The following CEP85L variants were observed in gnomAD, a reference collection of about 807,000 sequenced individuals.
The protein encoded by CEP85L is centrosomal protein of 85 kDa-like.
A neutral mutation model predicts 100.3 loss-of-function variants in CEP85L; 60 were observed. That is an observed-to-expected ratio of 0.60 (90% confidence interval 0.49 to 0.74). The LOEUF (loss-of-function observed/expected upper bound fraction) is 0.74. CEP85L is among the 30% of genes least tolerant of loss of function. CEP85L has a pLI of 0.00. For missense variants in CEP85L, 973 were observed against 936.2 expected (o/e 1.04, Z -0.51); for synonymous variants, 319 against 322.7 (o/e 0.99, Z 0.12).
At chr6:118,598,088 G>A (rs1431461060) in intron 2 of CEP85L, among the ~76,000 whole-genome samples, 1 of 152,204 alleles carries the variant, frequency 6.6e-6, no homozygotes, top group East Asian at 1.9e-4. Context: ...TTTGCTTACA[G>A]CAGCTTTACA....
intron 2 of CEP85L, among the ~76,000 whole-genome samples, chr6:118,567,898 TATC>T (rs769649525): frequency 6.6e-6 from 1 of 152,212 alleles, no homozygotes; most frequent in African/African-American, 2.4e-5. Flanking sequence ...AGTGGATAGT[TATC>T]ATATTCAAGA....
chr6:118,682,969 C>G (rs1238975592), intron 1 of CEP85L, among the ~76,000 whole-genome samples: 3 of 152,014 alleles, frequency 2.0e-5, no homozygotes, highest in Non-Finnish European at 4.4e-5. Flanking sequence ...ACAAAGGCAC[C>G]AGAACAATGC....
intron 1 of CEP85L, among the ~76,000 whole-genome samples, chr6:118,677,131 G>A (rs1371129853): frequency 1.3e-5 from 2 of 151,744 alleles, no homozygotes; most frequent in African/African-American, 4.8e-5. Context: ...ATGTAGCTTT[G>A]GGCAAATCAT....
intron 1 of CEP85L, among the ~76,000 whole-genome samples, chr6:118,670,010 G>T (rs1288258951): frequency 6.6e-6 from 1 of 150,860 alleles, no homozygotes; most frequent in African/African-American, 2.4e-5. Context: ...AAGGGAAGTC[G>T]CAAATAGAAT....
At chr6:118,484,902 T>C (rs1774066708) in intron 6 of CEP85L, among the ~76,000 whole-genome samples, 1 of 152,204 alleles carries the variant, frequency 6.6e-6, no homozygotes, top group Non-Finnish European at 1.5e-5. Flanking sequence ...AACACTAGTT[T>C]AAGGCACTGT....
At chr6:118,619,790 G>A (rs1773322248) in intron 2 of CEP85L, among the ~76,000 whole-genome samples, 1 of 152,180 alleles carries the variant, frequency 6.6e-6, no homozygotes, top group South Asian at 2.1e-4. Context: ...GCATGGAGGG[G>A]CATCATGTTG....
intron 5 of CEP85L, among the ~76,000 whole-genome samples, chr6:118,494,931 TACAAGA>T (rs1774824431): frequency 1.3e-5 from 2 of 152,110 alleles, no homozygotes; most frequent in African/African-American, 4.8e-5. Flanking sequence ...GTAGACAGTA[TACAAGA>T]ACATACAGAT....
intron 6 of CEP85L, among the ~76,000 whole-genome samples, chr6:118,491,194 T>TACACACACAC (rs1491518154): frequency 1.2e-5 from 1 of 81,216 alleles, no homozygotes; most frequent in African/African-American, 3.8e-5. Context: ...TACCAACATC[T>TACACACACAC]ATACACACAC....
In CEP85L at chr6:118,463,878, A is replaced by C. The variant is rs1371431960; in HGVS notation, c.*1527T>G. 2 of 152,124 alleles carry C rather than the reference A, an allele frequency of 1.3e-5. No homozygotes were observed. Among genetic ancestry groups the C allele is most frequent in the Non-Finnish European group, 2.9e-5 (2 of 67,984 alleles). 9.4% of individuals were successfully genotyped at this position (152,124 alleles called of 1,614,324 possible). Reference sequence around the variant, plus strand: ...AGTCTCCTTGAAGGCCTTGTCTCACATTTTCACTTTTAAATATTTAAGAAA... The same window carrying C: ...AGTCTCCTTGAAGGCCTTGTCTCACCTTTTCACTTTTAAATATTTAAGAAA... On this transcript the variant is annotated 3_prime_UTR_variant, in exon 13 of 13. Transcript: ENST00000368491.
chr6:118,670,607 TCTC>T (rs1776274940), intron 1 of CEP85L, among the ~76,000 whole-genome samples: 1 of 151,714 alleles, frequency 6.6e-6, no homozygotes, highest in Non-Finnish European at 1.5e-5. Context: ...GCTTCTGTAA[TCTC>T]CTGGCTAGCC....
intron 1 of CEP85L, among the ~76,000 whole-genome samples, chr6:118,683,834 T>A (rs2114270485): frequency 6.6e-6 from 1 of 152,362 alleles, no homozygotes; most frequent in East Asian, 1.9e-4. Flanking sequence ...TGTTGGGTCA[T>A]GGCATGCTTG....
At chr6:118,608,045 T>A (rs7740645) in intron 2 of CEP85L, among the ~76,000 whole-genome samples, 70,737 of 151,976 alleles carry the variant, frequency 0.47, 16,963 homozygotes, top group Middle Eastern at 0.57. Context: ...AATAAAAGGA[T>A]GGCTGCTCCA....
At chr6:118,533,788 A>G (rs1410882898) in intron 3 of CEP85L, among the ~76,000 whole-genome samples, 1 of 152,186 alleles carries the variant, frequency 6.6e-6, no homozygotes, top group Non-Finnish European at 1.5e-5. Flanking sequence ...ATGCAAGTTA[A>G]GTTTAGCATT....
In CEP85L at chr6:118,511,423, A is replaced by G; in HGVS notation, c.1140-8T>C. The G allele has an allele frequency of 6.4e-7, 1 of 1,556,532 alleles. No individual in the cohort carries two copies. On this transcript the variant is annotated splice_polypyrimidine_tract_variant and splice_region_variant and intron_variant, in intron 4 of 12. Transcript: ENST00000368491. ...GTAATTTGTTGCTTCTGCCTGCAAA[A>G]CATAAATTAAGGTCACATTATGAGT...
At chr6:118,499,379 C>T (rs1047422785) in intron 5 of CEP85L, among the ~76,000 whole-genome samples, 1 of 152,130 alleles carries the variant, frequency 6.6e-6, no homozygotes, top group Non-Finnish European at 1.5e-5. Context: ...TGATTAAAAA[C>T]TCTTGGCCAG....
In CEP85L at chr6:118,511,413, T is replaced by C. The variant is rs368173206; in HGVS notation, c.1142A>G (p.Gln381Arg). The C allele has an allele frequency of 1.9e-6, 3 of 1,599,770 alleles. No individual in the cohort carries two copies. The highest frequency in any genetic ancestry group is 1.7e-4 in the Middle Eastern group (1 of 6,052). ...LRQKEIVIDR[Q>R]KQQITHLHER... Reference sequence around the variant, plus strand: ...ATGCAGGTGGGTAATTTGTTGCTTCTGCCTGCAAAACATAAATTAAGGTCA... The same window carrying C: ...ATGCAGGTGGGTAATTTGTTGCTTCCGCCTGCAAAACATAAATTAAGGTCA... Residue 381 changes from glutamine (Q) to arginine (R), a missense_variant and splice_region_variant, in exon 5 of 13, where the codon CAG becomes CGG. By Grantham distance (43) the Gln-to-Arg change is conservative. This residue lies in a region of CEP85L where 890 missense variants were observed against 844.5 expected (regional missense o/e 1.05). Transcript: ENST00000368491.
intron 1 of CEP85L, among the ~76,000 whole-genome samples, chr6:118,649,143 A>G (rs1270765324): frequency 6.6e-6 from 1 of 152,172 alleles, no homozygotes; most frequent in African/African-American, 2.4e-5. Context: ...ACTTAAAATT[A>G]TCTAAGATAA....
intron 10 of CEP85L, among the ~76,000 whole-genome samples, chr6:118,475,796 T>A (rs982208690): frequency 6.6e-6 from 1 of 152,202 alleles, no homozygotes; most frequent in Non-Finnish European, 1.5e-5. Context: ...AAACTAAACT[T>A]GTTTTTTAAA....
chr6:118,632,405 AACC>A (rs1171580893), intron 2 of CEP85L, 45 bp downstream of exon 2: 1 of 1,441,498 alleles, frequency 6.9e-7, no homozygotes, highest in Non-Finnish European at 9.4e-7. Flanking sequence ...CTTGTACCAC[AACC>A]ACTCTTCAAA....
Sources: allele counts gnomAD v4.1 joint callset (sites outside exome capture counted in the v4.1 genomes callset), GRCh38; gene constraint gnomAD v4.1.1; regional missense constraint gnomAD v4.1.1; transcripts MANE v1.5; gene names NCBI Gene and HGNC (gene_info 2026-07-23, HGNC 2026-07-21).